Variants in GPC5 observed in about 807,000 individuals in gnomAD.
The protein encoded by GPC5 is glypican-5.
Under a neutral mutation model 53.9 loss-of-function variants are expected in GPC5, and 47 were observed. That is an observed-to-expected ratio of 0.87 (90% CI 0.69 to 1.11). The LOEUF (loss-of-function observed/expected upper bound fraction) is 1.11, where lower values mean the gene tolerates loss of function less well. GPC5 is among the 50% of genes most tolerant of loss of function. The pLI is 0.00. For synonymous variants in GPC5, 286 were observed against 263.3 expected (o/e 1.09, Z -0.84); for missense variants, 748 against 713.1 (o/e 1.05, Z -0.56).
intron 7 of GPC5, among the ~76,000 whole-genome samples, chr13:92,169,990 A>G (rs1425650316): frequency 6.6e-6 from 1 of 152,028 alleles, no homozygotes; most frequent in Non-Finnish European, 1.5e-5. Context: ...CTTATAATCA[A>G]TAGCATAAAA....
chr13:91,571,828 T>TACACAC lies in GPC5; in HGVS notation c.326-121354_326-121353insCACACA. On this transcript the variant is annotated intron_variant, in intron 2 of 7. Coordinates refer to ENST00000377067, the MANE Select transcript of GPC5 (RefSeq NM_004466.6). ...ACACACACATACGTGTGTGTATATA[T>TACACAC]ACACATATACTTGTGTGTATATACA... Among the ~76,000 whole-genome samples, 2 of 64,854 alleles carry TACACAC rather than the reference T, an allele frequency of 3.1e-5. 1 individual carries two copies. The highest frequency in any genetic ancestry group is 3.3e-4 in the African/African-American group (2 of 6,056). 42.5% of individuals were successfully genotyped at this position (64,854 alleles called of 152,430 possible). A position where few individuals can be genotyped will look rare whatever the true frequency, so the allele number is the denominator to read the frequency against.
chr13:92,767,433 C>T (rs926975251), intron 7 of GPC5, among the ~76,000 whole-genome samples: 16 of 152,204 alleles, frequency 1.1e-4, no homozygotes, highest in Middle Eastern at 3.4e-3. Context: ...ATCGCGCCAC[C>T]ACACTTCAGC....
chr13:92,640,860 C>A (rs1271090489), intron 7 of GPC5, among the ~76,000 whole-genome samples: 1 of 151,450 alleles, frequency 6.6e-6, no homozygotes, highest in South Asian at 2.1e-4. Context: ...AATTATTCAT[C>A]TATTATAATA....
At chr13:92,153,323 A>G (rs908206970) in intron 7 of GPC5, among the ~76,000 whole-genome samples, 1 of 152,090 alleles carries the variant, frequency 6.6e-6, no homozygotes, top group Non-Finnish European at 1.5e-5. Flanking sequence ...CTTTTAGTAG[A>G]GACAGGGTTT....
intron 7 of GPC5, among the ~76,000 whole-genome samples, chr13:92,257,973 AT>A (rs993304779): frequency 2.0e-5 from 3 of 152,180 alleles, no homozygotes; most frequent in Non-Finnish European, 2.9e-5. Flanking sequence ...AAAAGGTATA[AT>A]TTTTTAAAAA....
At chr13:92,183,283 T>C (rs1009101388) in intron 7 of GPC5, among the ~76,000 whole-genome samples, 2 of 152,230 alleles carry the variant, frequency 1.3e-5, no homozygotes, top group East Asian at 1.9e-4. Flanking sequence ...TTACGAAGTA[T>C]AAGCTTTTTC....
At chr13:91,639,790 T>C (rs2139479236) in intron 2 of GPC5, among the ~76,000 whole-genome samples, 1 of 152,360 alleles carries the variant, frequency 6.6e-6, no homozygotes, top group Admixed American at 6.5e-5. Flanking sequence ...TTCAGGTGTT[T>C]TCTAAGTTCT....
At chr13:92,241,316 G>C (rs767980790) in intron 7 of GPC5, 1 of 152,166 alleles carries the variant, frequency 6.6e-6, no homozygotes, top group Non-Finnish European at 1.5e-5. Flanking sequence ...AGAAATGGAA[G>C]AGACTGGAAC....
chr13:92,134,698 G>C (rs530916115), intron 6 of GPC5, among the ~76,000 whole-genome samples: 1 of 152,220 alleles, frequency 6.6e-6, no homozygotes, highest in South Asian at 2.1e-4. Context: ...GATGGTTTCT[G>C]TTCCATTGGC....
chr13:92,329,493 C>G (rs533786224), intron 7 of GPC5, among the ~76,000 whole-genome samples: 1 of 152,270 alleles, frequency 6.6e-6, no homozygotes, highest in Admixed American at 6.5e-5. Context: ...CCAGGCCCCA[C>G]TTCCAACATT....
At chr13:91,534,054 C>T (rs118037195) in intron 2 of GPC5, among the ~76,000 whole-genome samples, 1,689 of 152,112 alleles carry the variant, frequency 0.011, 24 homozygotes, top group Middle Eastern at 0.027. Flanking sequence ...GACAGTCTGC[C>T]CTGCTGAGAA....
chr13:91,953,430 G>T (rs1255998486), intron 6 of GPC5, among the ~76,000 whole-genome samples: 2 of 152,078 alleles, frequency 1.3e-5, no homozygotes, highest in Non-Finnish European at 2.9e-5. Flanking sequence ...AGCTGAAATT[G>T]TAGTAGCTAC....
At chr13:92,669,786 C>T (rs1886685581) in intron 7 of GPC5, among the ~76,000 whole-genome samples, 1 of 152,146 alleles carries the variant, frequency 6.6e-6, no homozygotes, top group Non-Finnish European at 1.5e-5. Context: ...TCCTTCCTAA[C>T]TCAGAATTGC....
intron 5 of GPC5, among the ~76,000 whole-genome samples, chr13:91,770,469 A>G (rs552721802): frequency 7.9e-5 from 12 of 152,054 alleles, no homozygotes; most frequent in African/African-American, 2.2e-4. Context: ...ACCAGCCCCC[A>G]TCCAAGAGGC....
intron 4 of GPC5, among the ~76,000 whole-genome samples, chr13:91,744,531 G>A (rs1594511643): frequency 6.6e-6 from 1 of 152,136 alleles, no homozygotes; most frequent in African/African-American, 2.4e-5. Context: ...TTTGTACTAA[G>A]TATATACCAG....
chr13:91,668,250 C>G (rs2035163112), intron 2 of GPC5, among the ~76,000 whole-genome samples: 1 of 152,178 alleles, frequency 6.6e-6, no homozygotes, highest in South Asian at 2.1e-4. Flanking sequence ...GGAATGGGAG[C>G]CACATCCAGC....
intron 7 of GPC5, among the ~76,000 whole-genome samples, chr13:92,851,604 G>T (rs918744891): frequency 1.3e-5 from 2 of 151,888 alleles, no homozygotes; most frequent in Non-Finnish European, 2.9e-5. Flanking sequence ...TAAGCCGGTC[G>T]GGCACAGTGG....
chr13:92,520,534 T>G (rs1439617712), intron 7 of GPC5, among the ~76,000 whole-genome samples: 4 of 152,140 alleles, frequency 2.6e-5, no homozygotes, highest in Non-Finnish European at 5.9e-5. Context: ...AAAAACCACA[T>G]GATTGTCTCA....
intron 6 of GPC5, among the ~76,000 whole-genome samples, chr13:91,932,814 G>A (rs1393293875): frequency 6.6e-6 from 1 of 151,892 alleles, no homozygotes; most frequent in African/African-American, 2.4e-5. Flanking sequence ...TTCTGCCAGA[G>A]TTGTCTTCTT....
Sources: allele counts gnomAD v4.1 joint callset (sites outside exome capture counted in the v4.1 genomes callset), GRCh38; gene constraint gnomAD v4.1.1; transcripts MANE v1.5; gene names NCBI Gene and HGNC (gene_info 2026-07-23, HGNC 2026-07-21).